The following TBC1D5 variants were observed in gnomAD, a reference collection of about 807,000 sequenced individuals.
The protein encoded by TBC1D5 is TBC1 domain family, member 5.
In TBC1D5, 75 loss-of-function variants were observed where a neutral mutation model predicts 100.3. That is an observed-to-expected ratio of 0.75 (90% CI 0.62 to 0.91). TBC1D5 has a LOEUF of 0.91. Among genes scored for constraint, TBC1D5 ranks in the 40% least tolerant of loss-of-function variants. The pLI, the probability that TBC1D5 is intolerant of heterozygous loss-of-function variation, is 0.00. For missense variants in TBC1D5, 910 were observed against 942.4 expected (o/e 0.97, Z 0.45); for synonymous variants, 323 against 325.6 (o/e 0.99, Z 0.09).
chr3:17,453,323 A>C (rs1180514699), intron 3 of TBC1D5, among the ~76,000 whole-genome samples: 1 of 152,036 alleles, frequency 6.6e-6, no homozygotes, highest in African/African-American at 2.4e-5. Context: ...TCAGATCAGA[A>C]ATAGATGAAT....
chr3:17,692,161 C>T (rs945789082), intron 1 of TBC1D5, among the ~76,000 whole-genome samples: 3 of 152,142 alleles, frequency 2.0e-5, no homozygotes, highest in African/African-American at 4.8e-5. Flanking sequence ...GGAGCAATCT[C>T]GGATCACTGC....
intron 1 of TBC1D5, among the ~76,000 whole-genome samples, chr3:17,697,295 G>C (rs1453355785): frequency 6.6e-6 from 1 of 152,192 alleles, no homozygotes; most frequent in Admixed American, 6.5e-5. Flanking sequence ...TATTTAATTA[G>C]GAAAAGAGGA....
At chr3:17,291,076 G>A (rs1383164308) in intron 15 of TBC1D5, among the ~76,000 whole-genome samples, 1 of 152,204 alleles carries the variant, frequency 6.6e-6, no homozygotes, top group Non-Finnish European at 1.5e-5. Context: ...CTGACTCAGA[G>A]ACAGTTCGAC....
chr3:17,340,151 A>G (rs1011536165), intron 13 of TBC1D5, among the ~76,000 whole-genome samples: 1 of 152,168 alleles, frequency 6.6e-6, no homozygotes, highest in African/African-American at 2.4e-5. Context: ...GGGTAAAGTA[A>G]CACAAGAGGG....
intron 15 of TBC1D5, among the ~76,000 whole-genome samples, chr3:17,273,220 T>C (rs2079610462): frequency 1.3e-5 from 2 of 152,140 alleles, no homozygotes; most frequent in Admixed American, 1.3e-4. Flanking sequence ...AATTCTGTCT[T>C]CTTACAGTTT....
At chr3:17,607,563 C>T (rs1302052628) in intron 2 of TBC1D5, among the ~76,000 whole-genome samples, 3 of 150,866 alleles carry the variant, frequency 2.0e-5, no homozygotes, top group Admixed American at 2.0e-4. Context: ...AAAAAAAAAG[C>T]TTCAGTACAG....
At chr3:17,287,344 C>T (rs561988367) in intron 15 of TBC1D5, among the ~76,000 whole-genome samples, 5 of 152,270 alleles carry the variant, frequency 3.3e-5, no homozygotes, top group South Asian at 2.1e-4. Flanking sequence ...AGTCCTAAGG[C>T]GTAATAACTT....
chr3:17,516,469 T>C (rs545283176), intron 2 of TBC1D5, among the ~76,000 whole-genome samples: 4 of 152,202 alleles, frequency 2.6e-5, no homozygotes, highest in Non-Finnish European at 5.9e-5. Flanking sequence ...AGGTGTTATA[T>C]AATAAATGAT....
intron 13 of TBC1D5, among the ~76,000 whole-genome samples, chr3:17,362,617 A>G (rs1163449316): frequency 1.3e-5 from 2 of 151,982 alleles, no homozygotes. Flanking sequence ...GATTACAGGC[A>G]TGTGCCACCT....
exon 22 of TBC1D5, chr3:17,158,006 G>T (rs1295127204): frequency 6.6e-6 from 1 of 152,210 alleles, no homozygotes; most frequent in African/African-American, 2.4e-5. Flanking sequence ...TTTCTTTCCG[G>T]ATTGCAGTTA....
At position 17,419,849 on chromosome 3, in the gene TBC1D5, T is replaced by A. The variant is rs189653977; in HGVS notation, c.167+8601A>T. ...TGCCACCATGCCTGACTAATTTTTTTAAAAATATTTATTTATTTATTTGTC... is the reference window on the plus strand; with the variant it reads ...TGCCACCATGCCTGACTAATTTTTTAAAAAATATTTATTTATTTATTTGTC... On this transcript the variant is annotated intron_variant, in intron 4 of 21. Transcript: ENST00000253692. Among the ~76,000 whole-genome samples, 72 of 152,144 alleles carry A rather than the reference T, an allele frequency of 4.7e-4. 1 individual carries two copies. Among genetic ancestry groups the A allele is most frequent in the East Asian group, 7.7e-4 (4 of 5,164 alleles).
chr3:17,225,974 A>G (rs1355919984), intron 17 of TBC1D5, among the ~76,000 whole-genome samples: 1 of 152,026 alleles, frequency 6.6e-6, no homozygotes. Context: ...TTTATATAAG[A>G]GACTTGAGCA....
intron 1 of TBC1D5, among the ~76,000 whole-genome samples, chr3:17,733,320 A>G (rs1169682719): frequency 6.6e-6 from 1 of 152,266 alleles, no homozygotes; most frequent in Non-Finnish European, 1.5e-5. Context: ...CATGGCAGGA[A>G]CATAGCTTGA....
chr3:17,532,879 G>A (rs9681628), intron 2 of TBC1D5, among the ~76,000 whole-genome samples: 10,391 of 151,362 alleles, frequency 0.069, 708 homozygotes, highest in African/African-American at 0.18. Flanking sequence ...GAGATATAGC[G>A]AATACTAAAT....
Position 17,715,313 on chromosome 3 carries a change from T to C in TBC1D5, c.-101+24030A>G, listed in dbSNP as rs571411186. ...GAGAATACTCGATCCTGATTAGTGG[T>C]TCCCATTTCTATTTTTAGAGAGCAA... On this transcript the variant is annotated intron_variant, in intron 1 of 21. Coordinates refer to ENST00000253692, the Ensembl canonical transcript of TBC1D5. Among the ~76,000 whole-genome samples, 116 of 152,308 alleles carry C rather than the reference T, an allele frequency of 7.6e-4. No individual in the cohort carries two copies. The South Asian group carries it at 9.5e-3, about 13-fold the overall frequency.
At chr3:17,430,326 T>C (rs2094425654) in intron 3 of TBC1D5, among the ~76,000 whole-genome samples, 2 of 151,780 alleles carry the variant, frequency 1.3e-5, no homozygotes, top group African/African-American at 2.4e-5. Context: ...ATAACACCAA[T>C]AGAATAGTTC....
intron 2 of TBC1D5, among the ~76,000 whole-genome samples, chr3:17,550,788 C>A (rs2096465785): frequency 1.3e-5 from 2 of 152,126 alleles, no homozygotes; most frequent in Non-Finnish European, 2.9e-5. Context: ...ACTTACATAT[C>A]TGTGAACATC....
chr3:17,530,307 A>T (rs1034440329), intron 2 of TBC1D5, among the ~76,000 whole-genome samples: 3 of 152,086 alleles, frequency 2.0e-5, no homozygotes, highest in Admixed American at 2.0e-4. Context: ...CAACAGCAAC[A>T]AGTATACAAA....
intron 17 of TBC1D5, among the ~76,000 whole-genome samples, chr3:17,222,555 C>A (rs1033305328): frequency 2.6e-5 from 4 of 152,094 alleles, no homozygotes; most frequent in African/African-American, 9.7e-5. Flanking sequence ...TTCCTCAGAA[C>A]TTTGAAAACA....
Sources: allele counts gnomAD v4.1 joint callset (sites outside exome capture counted in the v4.1 genomes callset), GRCh38; gene constraint gnomAD v4.1.1; transcripts MANE v1.5; gene names NCBI Gene and HGNC (gene_info 2026-07-23, HGNC 2026-07-21).